EPHA5: variants seen among roughly 807,000 people sequenced by gnomAD.
EPHA5 encodes ephrin type-A receptor 5.
Under a neutral mutation model 105.0 loss-of-function variants are expected in EPHA5, and 60 were observed. That is an observed-to-expected ratio of 0.57 (90% CI 0.46 to 0.71). The LOEUF (loss-of-function observed/expected upper bound fraction) is 0.71. Among genes scored for constraint, EPHA5 ranks in the 30% least tolerant of loss-of-function variants. The pLI is 0.00. For missense variants in EPHA5, 1,218 were observed against 1,274.7 expected, an observed-to-expected ratio of 0.96 and a Z score of 0.68; for synonymous variants, 513 against 449.1, an observed-to-expected ratio of 1.14 and a Z score of -1.80.
chr4:65,336,269 G>A (rs1216733929), intron 14 of EPHA5, 144 bp from the exon 15 acceptor site: 10 of 481,216 alleles, frequency 2.1e-5, no homozygotes, highest in Middle Eastern at 5.6e-4. Context: ...TAAAATCCAC[G>A]GCTATTTCCA....
intron 5 of EPHA5, among the ~76,000 whole-genome samples, chr4:65,435,750 G>A (rs904834255): frequency 6.6e-6 from 1 of 151,790 alleles, no homozygotes; most frequent in African/African-American, 2.4e-5. Context: ...AAATTAGAGC[G>A]TTAATGGAAA....
chr4:65,331,809 A>G, intron 16 of EPHA5, 164 bp downstream of exon 16: 2 of 1,300,816 alleles, frequency 1.5e-6, no homozygotes, highest in East Asian at 3.0e-5. Flanking sequence ...TGTAGCATTA[A>G]CCATGCAGTT....
At position 65,319,911 on chromosome 4, in the gene EPHA5, A is replaced by T. The variant is rs949168134; in HGVS notation, c.*4203T>A. ...TACAGCAGCCTAAAGAGTCATAGAT[A>T]TGTTGACCACTGAAACTTCTACTGT... On this transcript the variant is annotated 3_prime_UTR_variant, in exon 17 of 17. Coordinates refer to ENST00000613740, the MANE Select transcript of EPHA5 (RefSeq NM_001281766.3). 4.3e-6 allele frequency: 1 copy of T among 230,134 alleles called. No individual in the cohort carries two copies. The highest frequency in any genetic ancestry group is 5.7e-5 in the Admixed American group (1 of 17,632). 14.3% of individuals were successfully genotyped at this position (230,134 alleles called of 1,614,324 possible).
At position 65,348,186 on chromosome 4, in the gene EPHA5, G is replaced by A. The variant is rs1403402648; in HGVS notation, c.2463C>T (p.Ile821=). 1 of 1,610,762 alleles carries A rather than the reference G, an allele frequency of 6.2e-7. No homozygotes were observed. Among genetic ancestry groups the A allele is most frequent in the Non-Finnish European group, 8.5e-7 (1 of 1,178,914 alleles). The change falls in exon 14 of 17, where the codon ATC becomes ATT. Residue 821 remains isoleucine, a synonymous_variant. Transcript: ENST00000613740. The part of the protein sequence containing the change: ...AYTTRGGKIP[I]RWTAPEAIAF... ...CTATTGCTTCTGGGGCAGTCCATCT[G>A]ATTGGAATTTTTCCTCCCTAAAATT...
chr4:65,627,147 A>C (rs544533638), intron 2 of EPHA5, among the ~76,000 whole-genome samples: 1 of 152,300 alleles, frequency 6.6e-6, no homozygotes, highest in African/African-American at 2.4e-5. Flanking sequence ...CATTATGATA[A>C]AGAGAAAAAC....
intron 2 of EPHA5, among the ~76,000 whole-genome samples, chr4:65,624,293 A>T (rs1196788610): frequency 7.9e-5 from 12 of 152,184 alleles, no homozygotes; most frequent in Admixed American, 3.9e-4. Flanking sequence ...ATACAAAAAC[A>T]ATTTCCATGA....
intron 11 of EPHA5, among the ~76,000 whole-genome samples, chr4:65,355,392 C>T (rs1245013235): frequency 6.6e-6 from 1 of 151,530 alleles, no homozygotes; most frequent in Non-Finnish European, 1.5e-5. Flanking sequence ...TAATTTTAAT[C>T]TACATTCATG....
chr4:65,530,884 C>A (rs1735703774), intron 3 of EPHA5, among the ~76,000 whole-genome samples: 1 of 152,140 alleles, frequency 6.6e-6, no homozygotes, highest in Non-Finnish European at 1.5e-5. Flanking sequence ...CATTTATCAC[C>A]TCTCCTTGCA....
At chr4:65,349,083 T>C (rs1722574375) in intron 13 of EPHA5, among the ~76,000 whole-genome samples, 1 of 151,894 alleles carries the variant, frequency 6.6e-6, no homozygotes, top group Non-Finnish European at 1.5e-5. Flanking sequence ...CCCAAAGTGC[T>C]GGGATTACAG....
intron 3 of EPHA5, among the ~76,000 whole-genome samples, chr4:65,552,340 T>C (rs1339622381): frequency 8.5e-5 from 13 of 152,216 alleles, no homozygotes; most frequent in Non-Finnish European, 1.9e-4. Context: ...CCGTTATTAC[T>C]GCTAAGTTTG....
At chr4:65,351,714 A>T (rs1722837645) in intron 12 of EPHA5, 116 bp from the exon 13 acceptor site, 1 of 845,224 alleles carries the variant, frequency 1.2e-6, no homozygotes, top group Admixed American at 2.4e-5. Context: ...TTCATATGCA[A>T]TTTCTATCTG....
chr4:65,383,287 G>A (rs1355041195), intron 8 of EPHA5, among the ~76,000 whole-genome samples: 2 of 150,106 alleles, frequency 1.3e-5, no homozygotes, highest in African/African-American at 2.4e-5. Context: ...GAAAATTAAA[G>A]TCAGATGTGG....
Position 65,440,499 on chromosome 4 carries a change from TACAC to T in EPHA5, c.1403-19938_1403-19935del, listed in dbSNP as rs71657410. On this transcript the variant is annotated intron_variant, in intron 5 of 16. Transcript: ENST00000613740. Reference sequence around the variant, plus strand: ...TTCAACTTATACTTTTCCTAAATCTTACACACACACACACACACACACACACACA... The same window carrying T: ...TTCAACTTATACTTTTCCTAAATCTTACACACACACACACACACACACACA... Among the ~76,000 whole-genome samples, 200 of 143,436 alleles carry T rather than the reference TACAC, an allele frequency of 1.4e-3. 1 individual carries two copies. The highest frequency in any genetic ancestry group is 1.2e-3 in the East Asian group (6 of 4,868). The allele number at this position is 143,436 out of a possible 152,430, so 94.1% of individuals were successfully genotyped here.
intron 2 of EPHA5, among the ~76,000 whole-genome samples, chr4:65,635,898 G>A (rs1292024672): frequency 6.6e-6 from 1 of 152,058 alleles, no homozygotes; most frequent in East Asian, 1.9e-4. Flanking sequence ...GATAGCTTAA[G>A]GGCAGAAAGA....
At chr4:65,480,023 T>G (rs1213917250) in intron 5 of EPHA5, among the ~76,000 whole-genome samples, 3 of 151,852 alleles carry the variant, frequency 2.0e-5, no homozygotes, top group African/African-American at 7.3e-5. Flanking sequence ...TGCCATGAAT[T>G]GAGGCACATT....
At chr4:65,588,236 G>T (rs1216576030) in intron 3 of EPHA5, among the ~76,000 whole-genome samples, 1 of 152,026 alleles carries the variant, frequency 6.6e-6, no homozygotes, top group African/African-American at 2.4e-5. Context: ...CCTTCTTCTT[G>T]CCTTACCATT....
chr4:65,592,174 C>T (rs1342867393), intron 3 of EPHA5, among the ~76,000 whole-genome samples: 3 of 152,062 alleles, frequency 2.0e-5, no homozygotes, highest in Admixed American at 2.0e-4. Context: ...AAAAAAAATC[C>T]TGAACTAAGT....
chr4:65,480,470 G>A (rs2149185973), intron 5 of EPHA5, among the ~76,000 whole-genome samples: 1 of 152,178 alleles, frequency 6.6e-6, no homozygotes, highest in Non-Finnish European at 1.5e-5. Flanking sequence ...GATTCAAATA[G>A]GCAAATTAAG....
intron 3 of EPHA5, chr4:65,574,019 A>G (rs756932416): frequency 2.5e-6 from 4 of 1,599,246 alleles, no homozygotes; most frequent in African/African-American, 2.7e-5. Flanking sequence ...GAGTTCCTCT[A>G]TGAAGAACAC....
Sources: allele counts gnomAD v4.1 joint callset (sites outside exome capture counted in the v4.1 genomes callset), GRCh38; gene constraint gnomAD v4.1.1; transcripts MANE v1.5; gene names NCBI Gene and HGNC (gene_info 2026-07-23, HGNC 2026-07-21).